The following NRP2 variants were observed in gnomAD, a reference collection of about 807,000 sequenced individuals.
NRP2 encodes the protein neuropilin-2.
Under a neutral mutation model 110.4 loss-of-function variants are expected in NRP2, and 52 were observed. The observed-to-expected ratio is 0.47, with a 90% confidence interval of 0.38 to 0.59. The LOEUF (loss-of-function observed/expected upper bound fraction) is 0.59. Among genes scored for constraint, NRP2 ranks in the 20% least tolerant of loss-of-function variants. The pLI is 0.00. For synonymous variants in NRP2, 508 were observed against 468.9 expected (o/e 1.08, Z -1.08); for missense variants, 1,049 against 1,203.0 (o/e 0.87, Z 1.89).
At chr2:205,721,273 G>C (rs563403287) in intron 3 of NRP2, among the ~76,000 whole-genome samples, 73 of 152,258 alleles carry the variant, frequency 4.8e-4, no homozygotes, top group African/African-American at 1.6e-3. Flanking sequence ...TAAACACCCA[G>C]TTTATCGAGT....
chr2:205,758,282 C>T (rs1048891798), intron 12 of NRP2, among the ~76,000 whole-genome samples: 1 of 152,116 alleles, frequency 6.6e-6, no homozygotes, highest in African/African-American at 2.4e-5. Context: ...GATGGTCGTT[C>T]TAGTAGGAGG....
chr2:205,795,190 C>A lies in NRP2; in HGVS notation c.*132C>A. The A allele has an allele frequency of 1.0e-6, 1 of 973,854 alleles. No homozygotes were observed. Among genetic ancestry groups the A allele is most frequent in the African/African-American group, 1.6e-5 (1 of 62,086 alleles). The allele number at this position is 973,854 out of a possible 1,614,324, so 60.3% of individuals were successfully genotyped here. On this transcript the variant is annotated 3_prime_UTR_variant, in exon 17 of 17. Coordinates refer to ENST00000357785, the MANE Select transcript of NRP2 (RefSeq NM_003872.3). ...CGATCCAGAATACCGAAGGTATGGA[C>A]AGGACAGAAAAGCGAGTCGCAGGAG...
chr2:205,738,708 C>T (rs2057388792), intron 7 of NRP2, among the ~76,000 whole-genome samples: 1 of 152,176 alleles, frequency 6.6e-6, no homozygotes, highest in Non-Finnish European at 1.5e-5. Context: ...GCATGACTAA[C>T]AAGTTCTTTC....
At chr2:205,761,722 G>A (rs898418308) in intron 12 of NRP2, among the ~76,000 whole-genome samples, 4 of 152,216 alleles carry the variant, frequency 2.6e-5, no homozygotes, top group Non-Finnish European at 4.4e-5. Flanking sequence ...CAGAGCAGCT[G>A]AAATAAAGAA....
intron 15 of NRP2, among the ~76,000 whole-genome samples, chr2:205,790,304 A>T (rs1412170688): frequency 6.6e-6 from 1 of 152,210 alleles, no homozygotes; most frequent in South Asian, 2.1e-4. Flanking sequence ...TCTCAAAATC[A>T]TTAGCATCAT....
chr2:205,779,694 A>G (rs2058151982), intron 15 of NRP2: 2 of 152,204 alleles, frequency 1.3e-5, no homozygotes, highest in African/African-American at 4.8e-5. Flanking sequence ...ATGTAATAAA[A>G]TGATGATATT....
At position 205,725,761 on chromosome 2, in the gene NRP2, GT is replaced by G; in HGVS notation, c.821-151del. 6.5e-6 allele frequency: 5 copies of G among 772,832 alleles called. No homozygotes were observed. Among genetic ancestry groups the G allele is most frequent in the Non-Finnish European group, 1.1e-5 (5 of 446,922 alleles). The allele number at this position is 772,832 out of a possible 1,614,324, so 47.9% of individuals were successfully genotyped here. On this transcript the variant is annotated intron_variant, in intron 5 of 16. Transcript: ENST00000357785. The surrounding 1 kb of genome is among the most constrained non-coding windows in gnomAD (Gnocchi z 4.1). ...GGGTTGTCAAGCTCCATGACTTGAT[GT>G]AGTTGTTTTTAAAATGTGAGCATAT...
intron 2 of NRP2, chr2:205,701,004 G>A: frequency 4.2e-6 from 1 of 237,714 alleles, no homozygotes; most frequent in South Asian, 4.6e-5. Context: ...AGGATGCTAG[G>A]ATGTTGCTGC....
intron 2 of NRP2, among the ~76,000 whole-genome samples, chr2:205,711,208 A>T (rs2056790630): frequency 6.6e-6 from 1 of 152,166 alleles, no homozygotes; most frequent in South Asian, 2.1e-4. Flanking sequence ...ACTCAACAAA[A>T]AGTGAATGAG....
intron 1 of NRP2, among the ~76,000 whole-genome samples, chr2:205,692,597 C>G (rs1256713145): frequency 2.0e-5 from 3 of 152,116 alleles, no homozygotes; most frequent in Admixed American, 6.5e-5. Flanking sequence ...TATAAATATG[C>G]AGCCACAGAC....
intron 1 of NRP2, among the ~76,000 whole-genome samples, 192 bp downstream of exon 1, chr2:205,683,555 A>AGTGT (rs60199072): frequency 4.1e-4 from 62 of 150,130 alleles, no homozygotes; most frequent in Middle Eastern, 3.5e-3. Flanking sequence ...TCCTGCTAGG[A>AGTGT]GTGTGTGTGT....
At chr2:205,745,618 G>A (rs985176706) in intron 9 of NRP2, 128 bp from the exon 10 acceptor site, 43 of 997,856 alleles carry the variant, frequency 4.3e-5, no homozygotes, top group Non-Finnish European at 6.2e-5. Context: ...CCAGTGACCA[G>A]GAATCAACTA....
intron 1 of NRP2, among the ~76,000 whole-genome samples, chr2:205,696,925 G>A (rs2056440608): frequency 6.6e-6 from 1 of 152,088 alleles, no homozygotes; most frequent in South Asian, 2.1e-4. Flanking sequence ...AAATGTTTGG[G>A]GGGTTTGCAT....
chr2:205,683,425 A>G (rs1439145560), intron 1 of NRP2, 62 bp downstream of exon 1: 1 of 1,241,590 alleles, frequency 8.1e-7, no homozygotes, highest in Non-Finnish European at 1.2e-6. Flanking sequence ...AGTGACCGCT[A>G]AAGCAGGAAG....
chr2:205,686,836 C>T lies in NRP2; in HGVS notation c.73+3473C>T, dbSNP rs2056178118. Reference sequence around the variant, plus strand: ...CCCCTCCCTCCACTTCCTGTTCTTTCGGTTTCAGACAGAGAGGAGAGCCCC... The same window carrying T: ...CCCCTCCCTCCACTTCCTGTTCTTTTGGTTTCAGACAGAGAGGAGAGCCCC... On this transcript the variant is annotated intron_variant, in intron 1 of 16. Transcript: ENST00000357785. This position sits in a 1 kb window ranked among gnomAD's most constrained non-coding sequence, Gnocchi z 4.7. Among the ~76,000 whole-genome samples, 1 of 152,214 alleles carries T rather than the reference C, an allele frequency of 6.6e-6. No individual in the cohort carries two copies. The highest frequency in any genetic ancestry group is 6.5e-5 in the Admixed American group (1 of 15,292).
At position 205,722,473 on chromosome 2, in the gene NRP2, T is replaced by C. The variant is rs375666285; in HGVS notation, c.434-5T>C. 1.5e-5 allele frequency: 24 copies of C among 1,610,910 alleles called. No homozygotes were observed. The highest frequency in any genetic ancestry group is 1.7e-5 in the Non-Finnish European group (20 of 1,177,172). On this transcript the variant is annotated splice_polypyrimidine_tract_variant and splice_region_variant and intron_variant, in intron 3 of 16. Transcript: ENST00000357785. ...CTTAGTGCTACAGTTCTCTTTTACA[T>C]ACAGGCTCTGAAGATTGCTCAAAAA...
chr2:205,748,504 G>A (rs2105887068), intron 10 of NRP2, among the ~76,000 whole-genome samples: 1 of 152,296 alleles, frequency 6.6e-6, no homozygotes, highest in East Asian at 1.9e-4. Context: ...TGAGCAAAAG[G>A]CAGACACAGC....
intron 1 of NRP2, among the ~76,000 whole-genome samples, chr2:205,684,209 G>C (rs1264959444): frequency 1.3e-5 from 2 of 152,024 alleles, no homozygotes; most frequent in Non-Finnish European, 2.9e-5. Context: ...TGTGGGGAGC[G>C]GCAAGGGGTA....
At chr2:205,778,361 A>G (rs1206732745) in intron 15 of NRP2, 4 of 151,472 alleles carry the variant, frequency 2.6e-5, no homozygotes, top group South Asian at 2.1e-4. Context: ...TCCCACTCTT[A>G]CTCTATTTCA....
Sources: allele counts gnomAD v4.1 joint callset (sites outside exome capture counted in the v4.1 genomes callset), GRCh38; gene constraint gnomAD v4.1.1; non-coding constraint Gnocchi (gnomAD v3.1); transcripts MANE v1.5; gene names NCBI Gene and HGNC (gene_info 2026-07-23, HGNC 2026-07-21).